The following THSD4 variants were observed in gnomAD, a reference collection of about 807,000 sequenced individuals.
The protein encoded by THSD4 is thrombospondin type-1 domain-containing protein 4.
THSD4 carries 69 observed loss-of-function variants against 119.0 expected under a neutral mutation model. That is an observed-to-expected ratio of 0.58 (90% CI 0.48 to 0.71). The LOEUF (loss-of-function observed/expected upper bound fraction) is 0.71, where lower values mean the gene tolerates loss of function less well. Among genes scored for constraint, THSD4 ranks in the 30% least tolerant of loss-of-function variants. The pLI, the probability that THSD4 is intolerant of heterozygous loss-of-function variation, is 0.00. For missense variants in THSD4, 1,393 were observed against 1,391.1 expected, an observed-to-expected ratio of 1.00 and a Z score of -0.02; for synonymous variants, 524 against 540.4, an observed-to-expected ratio of 0.97 and a Z score of 0.42.
intron 3 of THSD4, among the ~76,000 whole-genome samples, chr15:71,212,706 C>G (rs556393557): frequency 6.6e-6 from 1 of 152,172 alleles, no homozygotes; most frequent in Non-Finnish European, 1.5e-5. Flanking sequence ...GAATTTAGAC[C>G]AGAAGTCGGG....
chr15:71,213,712 G>A (rs1255547260), intron 3 of THSD4, among the ~76,000 whole-genome samples: 1 of 152,170 alleles, frequency 6.6e-6, no homozygotes, highest in Non-Finnish European at 1.5e-5. Context: ...TGAGGGTATA[G>A]ATCACTCTTT....
At chr15:71,192,598 G>A (rs528465138) in intron 3 of THSD4, among the ~76,000 whole-genome samples, 2 of 152,256 alleles carry the variant, frequency 1.3e-5, no homozygotes, top group African/African-American at 4.8e-5. Flanking sequence ...GAATTTTGAA[G>A]TGAACCTGTT....
chr15:71,128,266 C>T (rs186390167), intron 1 of THSD4, among the ~76,000 whole-genome samples: 61 of 151,300 alleles, frequency 4.0e-4, no homozygotes, highest in Admixed American at 3.6e-3. Flanking sequence ...AAGACTATAA[C>T]ATGTAATCCC....
chr15:71,330,388 T>C (rs934117279), intron 6 of THSD4, among the ~76,000 whole-genome samples: 4 of 152,146 alleles, frequency 2.6e-5, no homozygotes, highest in Non-Finnish European at 4.4e-5. Flanking sequence ...CAGCACACGG[T>C]AGGTATTCAA....
chr15:71,337,183 A>G (rs2045499479), intron 6 of THSD4, among the ~76,000 whole-genome samples: 2 of 152,178 alleles, frequency 1.3e-5, no homozygotes, highest in South Asian at 4.1e-4. Flanking sequence ...GAAAACATGA[A>G]GTGGTCATTT....
intron 7 of THSD4, among the ~76,000 whole-genome samples, chr15:71,570,149 C>G (rs1323107525): frequency 6.6e-6 from 1 of 152,148 alleles, no homozygotes; most frequent in Non-Finnish European, 1.5e-5. Context: ...TCAGTGAACA[C>G]TTCTTATATG....
intron 7 of THSD4, among the ~76,000 whole-genome samples, chr15:71,502,961 A>G (rs1172231714): frequency 6.6e-6 from 1 of 152,210 alleles, no homozygotes; most frequent in Non-Finnish European, 1.5e-5. Flanking sequence ...CTGAACTTAG[A>G]TACGGTTGCA....
chr15:71,541,052 C>A (rs1308443615), intron 7 of THSD4, among the ~76,000 whole-genome samples: 1 of 152,160 alleles, frequency 6.6e-6, no homozygotes, highest in African/African-American at 2.4e-5. Flanking sequence ...AATAGCAATA[C>A]ATTCACATGT....
chr15:71,546,963 C>A (rs552664527), intron 7 of THSD4, among the ~76,000 whole-genome samples: 1 of 152,216 alleles, frequency 6.6e-6, no homozygotes, highest in Non-Finnish European at 1.5e-5. Context: ...CCCTGGCTCT[C>A]CCCGTTCCCA....
At chr15:71,167,660 A>G (rs917991264) in intron 3 of THSD4, among the ~76,000 whole-genome samples, 3 of 152,210 alleles carry the variant, frequency 2.0e-5, no homozygotes, top group African/African-American at 7.2e-5. Flanking sequence ...TTGTGGCAAA[A>G]TCTACTCACA....
chr15:71,594,154 G>A (rs2049862539), intron 7 of THSD4, among the ~76,000 whole-genome samples: 2 of 151,832 alleles, frequency 1.3e-5, no homozygotes, highest in East Asian at 3.9e-4. Context: ...ACAGCCTAGG[G>A]ATCCACTGGA....
chr15:71,367,201 C>T (rs1057432623), intron 6 of THSD4, among the ~76,000 whole-genome samples: 12 of 150,888 alleles, frequency 8.0e-5, no homozygotes, highest in Admixed American at 4.7e-4. Flanking sequence ...TGAACAATTA[C>T]CTCATGCTAG....
intron 3 of THSD4, among the ~76,000 whole-genome samples, chr15:71,209,117 A>G (rs1214126080): frequency 6.6e-6 from 1 of 152,156 alleles, no homozygotes; most frequent in African/African-American, 2.4e-5. Flanking sequence ...CGGAGAGAGC[A>G]CTGATTTGAT....
chr15:71,097,271 A>G (rs1323211150), intron 1 of THSD4, among the ~76,000 whole-genome samples: 6 of 152,192 alleles, frequency 3.9e-5, no homozygotes, highest in African/African-American at 7.2e-5. Flanking sequence ...TTAACTATTT[A>G]TTGAGGTGAA....
At chr15:71,736,457 C>T (rs1300114361) in intron 10 of THSD4, among the ~76,000 whole-genome samples, 1 of 151,820 alleles carries the variant, frequency 6.6e-6, no homozygotes, top group African/African-American at 2.4e-5. Context: ...CTCTGTCTCT[C>T]TTGCCCTCTC....
intron 7 of THSD4, among the ~76,000 whole-genome samples, chr15:71,585,735 T>G (rs1285340336): frequency 6.6e-6 from 1 of 152,208 alleles, no homozygotes; most frequent in Non-Finnish European, 1.5e-5. Context: ...CACTTGATGG[T>G]GTCCCATAAG....
intron 8 of THSD4, among the ~76,000 whole-genome samples, chr15:71,664,590 T>C (rs1042658392): frequency 2.6e-5 from 4 of 152,168 alleles, no homozygotes; most frequent in African/African-American, 9.7e-5. Flanking sequence ...TTTGTACAGA[T>C]TGTGTCACCC....
rs190757718 is a variant in THSD4 at position 71,477,755 on chromosome 15, A to T, written c.1152+65932A>T. Among the ~76,000 whole-genome samples, 209 of 152,240 alleles carry T rather than the reference A, an allele frequency of 1.4e-3. 1 individual carries two copies. Among genetic ancestry groups the T allele is most frequent in the African/African-American group, 4.7e-3 (196 of 41,552 alleles). On this transcript the variant is annotated intron_variant, in intron 7 of 17. Transcript: ENST00000261862. ...TTCCTCCCGTCTCCTGCCCTGCATC[A>T]GCATCCCTCACACCGTCACTTTATT...
chr15:71,328,034 A>C (rs2045369721), intron 6 of THSD4, among the ~76,000 whole-genome samples: 1 of 152,176 alleles, frequency 6.6e-6, no homozygotes, highest in African/African-American at 2.4e-5. Context: ...TCTTTCCTCC[A>C]TTACAATAGG....
Sources: allele counts gnomAD v4.1 joint callset (sites outside exome capture counted in the v4.1 genomes callset), GRCh38; gene constraint gnomAD v4.1.1; transcripts MANE v1.5; gene names NCBI Gene and HGNC (gene_info 2026-07-23, HGNC 2026-07-21).